SLC16A2: variants seen among roughly 807,000 people sequenced by gnomAD.
The protein encoded by SLC16A2 is monocarboxylate transporter 8.
Under a neutral mutation model 27.2 loss-of-function variants are expected in SLC16A2, and 3 were observed. The ratio of observed to expected loss-of-function variants is 0.11; its 90% CI spans 0.05 to 0.28. The LOEUF (loss-of-function observed/expected upper bound fraction) is 0.28. Ranked by LOEUF, SLC16A2 falls within the 10% of genes least tolerant of loss-of-function variation. The pLI is 1.00. For missense variants in SLC16A2, 295 were observed against 458.5 expected (o/e 0.64, Z 3.26); for synonymous variants, 202 against 187.8 (o/e 1.08, Z -0.62).
chrX:74,459,686 C>T (rs1057423326), intron 1 of SLC16A2, among the ~76,000 whole-genome samples: 39 of 111,195 alleles, frequency 3.5e-4, no homozygotes, highest in African/African-American at 1.2e-3. Context: ...TATCCTAGTC[C>T]CAATAGTCAC....
At chrX:74,432,412 C>A (rs921823053) in intron 1 of SLC16A2, among the ~76,000 whole-genome samples, 6 of 111,384 alleles carry the variant, frequency 5.4e-5, no homozygotes, top group African/African-American at 2.0e-4. Flanking sequence ...ATTGCCAAAG[C>A]GGTTTTGATT....
At chrX:74,519,167 A>G (rs962892936) in intron 1 of SLC16A2, among the ~76,000 whole-genome samples, 9 of 109,597 alleles carry the variant, frequency 8.2e-5, no homozygotes, top group Non-Finnish European at 1.7e-4. Flanking sequence ...TCTTATACAT[A>G]TAATTTTATC....
intron 1 of SLC16A2, among the ~76,000 whole-genome samples, chrX:74,450,469 T>G (rs1043128768): frequency 3.6e-5 from 4 of 110,939 alleles, no homozygotes; most frequent in Non-Finnish European, 7.6e-5. Context: ...TTTCTGGGAG[T>G]TCATAATTCT....
intron 1 of SLC16A2, among the ~76,000 whole-genome samples, chrX:74,487,076 G>A (rs1023547612): frequency 1.2e-4 from 13 of 109,635 alleles, no homozygotes; most frequent in Non-Finnish European, 2.1e-4. Flanking sequence ...TGTTCTGGTC[G>A]CAGGAACTTT....
intron 1 of SLC16A2, among the ~76,000 whole-genome samples, chrX:74,518,710 A>G (rs772296464): frequency 8.9e-6 from 1 of 112,189 alleles, no homozygotes; most frequent in Non-Finnish European, 1.9e-5. Context: ...TATATGCTTA[A>G]TTACTATTCA....
intron 1 of SLC16A2, among the ~76,000 whole-genome samples, chrX:74,488,464 T>G (rs1036052230): frequency 8.9e-6 from 1 of 111,906 alleles, no homozygotes; most frequent in Non-Finnish European, 1.9e-5. Context: ...GCATTAAGAA[T>G]AAGTCAATAT....
chrX:74,511,941 C>T (rs1475575377), intron 1 of SLC16A2, among the ~76,000 whole-genome samples: 4 of 112,044 alleles, frequency 3.6e-5, no homozygotes, highest in African/African-American at 1.3e-4. Flanking sequence ...ATAAGGGCTC[C>T]TGTTATCTCA....
chrX:74,497,370 G>A (rs988742574), intron 1 of SLC16A2, among the ~76,000 whole-genome samples: 1 of 110,992 alleles, frequency 9.0e-6, no homozygotes, highest in African/African-American at 3.3e-5. Flanking sequence ...CTTCAGGACA[G>A]ACAAAGAAGT....
chrX:74,494,787 C>T (rs1331225316), intron 1 of SLC16A2, among the ~76,000 whole-genome samples: 3 of 111,125 alleles, frequency 2.7e-5, no homozygotes, highest in African/African-American at 9.8e-5. Context: ...CTCAGTGTCA[C>T]CCAGCTACTG....
At chrX:74,460,921 G>A (rs1929129001) in intron 1 of SLC16A2, among the ~76,000 whole-genome samples, 1 of 111,635 alleles carries the variant, frequency 9.0e-6, no homozygotes, top group Admixed American at 9.6e-5. Context: ...AAAGTGCTAG[G>A]ATTACAGGTG....
intron 1 of SLC16A2, among the ~76,000 whole-genome samples, chrX:74,433,520 G>T (rs1928570265): frequency 9.0e-6 from 1 of 110,817 alleles, no homozygotes; most frequent in African/African-American, 3.3e-5. Context: ...TCCCTCCCCT[G>T]TCTAGTGATC....
At chrX:74,521,157 A>G (rs761206446) in intron 2 of SLC16A2, 23 bp downstream of exon 2, 71 of 1,208,392 alleles carry the variant, frequency 5.9e-5, no homozygotes, top group Non-Finnish European at 7.7e-5. Context: ...GTTGGTGGTT[A>G]TTTCCCCAAG....
chrX:74,457,707 G>A (rs2147847802), intron 1 of SLC16A2, among the ~76,000 whole-genome samples: 1 of 111,115 alleles, frequency 9.0e-6, no homozygotes, highest in African/African-American at 3.3e-5. Context: ...TCTCTTCTTT[G>A]GCTCCTTCCG....
At chrX:74,448,989 C>T (rs749681905) in intron 1 of SLC16A2, among the ~76,000 whole-genome samples, 2 of 111,671 alleles carry the variant, frequency 1.8e-5, no homozygotes, top group South Asian at 7.6e-4. Context: ...GTGTTTCACC[C>T]TGCCCAATTG....
intron 1 of SLC16A2, among the ~76,000 whole-genome samples, chrX:74,484,971 C>T (rs957820329): frequency 2.2e-4 from 25 of 111,824 alleles, no homozygotes; most frequent in African/African-American, 8.1e-4. Flanking sequence ...AATCCCAGCA[C>T]TTTGGGAGGC....
At chrX:74,446,791 G>A (rs1273078764) in intron 1 of SLC16A2, among the ~76,000 whole-genome samples, 1 of 112,336 alleles carries the variant, frequency 8.9e-6, no homozygotes, top group Non-Finnish European at 1.9e-5. Flanking sequence ...AGTAGATTCT[G>A]CCACATAATT....
At position 74,524,491 on chromosome X, in the gene SLC16A2, T is replaced by C. The variant is rs1215636715; in HGVS notation, c.708T>C (p.Ser236=). Residue 236 remains serine (S), a synonymous_variant, in exon 3 of 6, where the codon TCT becomes TCC. Coordinates refer to ENST00000587091, the MANE Select transcript of SLC16A2 (RefSeq NM_006517.5). ...RRLGLANGVV[S]AGSSIFSMSF... Reference sequence around the variant, plus strand: ...TGGGTCTGGCCAATGGTGTGGTGTCTGCTGGGAGTAGCATTTTCTCCATGT... The same window carrying C: ...TGGGTCTGGCCAATGGTGTGGTGTCCGCTGGGAGTAGCATTTTCTCCATGT... 4 of 1,211,928 alleles carry C rather than the reference T, an allele frequency of 3.3e-6. No individual in the cohort carries two copies. The South Asian group carries it at 5.3e-5, about 16-fold the overall frequency.
chrX:74,515,076 T>C (rs1442821521), intron 1 of SLC16A2, among the ~76,000 whole-genome samples: 4 of 111,682 alleles, frequency 3.6e-5, no homozygotes, highest in Non-Finnish European at 7.5e-5. Flanking sequence ...AACATGAAGA[T>C]AACACAGAAA....
Position 74,505,325 on chromosome X carries a change from T to G in SLC16A2, c.431-15665T>G, listed in dbSNP as rs1268261496. On this transcript the variant is annotated intron_variant, in intron 1 of 5. Coordinates refer to ENST00000587091, the MANE Select transcript of SLC16A2 (RefSeq NM_006517.5). The stretch of plus-strand genomic sequence containing the variant: ...TGTCCTGAAGGGGCTTTTGATTTCC[T>G]TCCTCTGCTGTTTCCTCATTTTCCC... Among the ~76,000 whole-genome samples, 23 of 111,951 alleles carry G rather than the reference T, an allele frequency of 2.1e-4. 1 individual carries two copies. In the Admixed American group the frequency reaches 2.2e-3, roughly 11 times the overall value.
Sources: allele counts gnomAD v4.1 joint callset (sites outside exome capture counted in the v4.1 genomes callset), GRCh38; gene constraint gnomAD v4.1.1; transcripts MANE v1.5; gene names NCBI Gene and HGNC (gene_info 2026-07-23, HGNC 2026-07-21).